Variants in OR8J3 observed in about 807,000 individuals in gnomAD.
The protein encoded by OR8J3 is olfactory receptor 8J3.
For synonymous variants in OR8J3, 170 were observed against 142.6 expected (o/e 1.19, Z -1.37); for missense variants, 418 against 379.8 (o/e 1.10, Z -0.84).
chr11:56,137,250 T>C lies in OR8J3; in HGVS notation c.469A>G (p.Ile157Val), dbSNP rs760372350. ...GAGAATATACAAGGTGAAACCACAA[T>C]AGCTGTAGAAAAGCCATAGAGGTAT... ...LTYLYGFSTA[I>V]VVSPCIFSVS... Residue 157 changes from isoleucine (I) to valine (V), a missense_variant, in exon 2 of 2, where the codon ATT becomes GTT. Transcript: ENST00000642058. The C allele has an allele frequency of 3.7e-6, 6 of 1,613,764 alleles. No individual in the cohort carries two copies. The highest frequency in any genetic ancestry group is 4.2e-6 in the Non-Finnish European group (5 of 1,179,968).
At chr11:56,138,650 C>T (rs542356716) in intron 1 of OR8J3, among the ~76,000 whole-genome samples, 153 bp from the exon 2 acceptor site, 9 of 150,850 alleles carry the variant, frequency 6.0e-5, no homozygotes, top group African/African-American at 2.2e-4. Flanking sequence ...GCCGAGATTG[C>T]GCCACTGCAC....
rs1292172524 is a variant in OR8J3, at chr11:56,135,027, T to A, written c.*1744A>T. ...AATTTAATTAAAAACCCGACATCAA[T>A]ATATATAGATCTGGTAAAATTCATT... On this transcript the variant is annotated 3_prime_UTR_variant, in exon 2 of 2. Coordinates refer to ENST00000642058, the MANE Select transcript of OR8J3 (RefSeq NM_001004064.2). 6.6e-6 allele frequency: 1 copy of A among 151,974 alleles called. No homozygotes were observed. Among genetic ancestry groups the A allele is most frequent in the Non-Finnish European group, 1.5e-5 (1 of 67,872 alleles). The allele number at this position is 151,974 out of a possible 1,614,324, so 9.4% of individuals were successfully genotyped here.
rs1459493184 is a variant in OR8J3 at position 56,137,240 on chromosome 11, G to GA, written c.478dup (p.Ser160PhefsTer13). 1 of 1,614,064 alleles carries GA rather than the reference G, an allele frequency of 6.2e-7. No homozygotes were observed. Among genetic ancestry groups the GA allele is most frequent in the South Asian group, 1.1e-5 (1 of 91,060 alleles). ...ATAAGACACAGAGAATATACAAGGT[G>GA]AAACCACAATAGCTGTAGAAAAGCC... On this transcript the variant is annotated frameshift_variant, in exon 2 of 2. Transcript: ENST00000642058. LOFTEE classifies it low-confidence loss of function (END_TRUNC).
rs775970814 is a variant in OR8J3, at chr11:56,137,461, T to C, written c.258A>G (p.Leu86=). ...VIAPKMLMNF[L]VKKKTTSFYE... ...AGAATGAGGTAGTTTTCTTCTTTAC[T>C]AAAAAGTTCATCAGCATTTTAGGGG... is the stretch of plus-strand genomic sequence containing the variant. Residue 86 remains leucine, a synonymous_variant, in exon 2 of 2, where the codon TTA becomes TTG. Coordinates refer to ENST00000642058, the MANE Select transcript of OR8J3 (RefSeq NM_001004064.2). 6.2e-7 allele frequency: 1 copy of C among 1,614,218 alleles called. No homozygotes were observed. Among genetic ancestry groups the C allele is most frequent in the Non-Finnish European group, 8.5e-7 (1 of 1,180,032 alleles).
In OR8J3 at chr11:56,138,424, T is replaced by C. The variant is rs897722724; in HGVS notation, c.-706A>G. On this transcript the variant is annotated 5_prime_UTR_variant, in exon 2 of 2. Transcript: ENST00000642058. ...GGCTCAAACCGGTAATCCCAGCACT[T>C]TGGGAGGCCGAGGCGGGCAGATCAT... 2.0e-5 allele frequency: 3 copies of C among 152,088 alleles called. No individual in the cohort carries two copies. Among genetic ancestry groups the C allele is most frequent in the Admixed American group, 6.6e-5 (1 of 15,254 alleles). The allele number at this position is 152,088 out of a possible 1,614,324, so 9.4% of individuals were successfully genotyped here. A position where few individuals can be genotyped will look rare whatever the true frequency, so the allele number is the denominator to read the frequency against.
intron 1 of OR8J3, among the ~76,000 whole-genome samples, 195 bp from the exon 2 acceptor site, chr11:56,138,692 TC>T (rs1565056585): frequency 5.8e-5 from 1 of 17,208 alleles, no homozygotes; most frequent in African/African-American, 7.9e-5. Context: ...AGACTCCGTC[TC>T]AAAAAAAAAA....
At position 56,135,810 on chromosome 11, in the gene OR8J3, G is replaced by T. The variant is rs1390946579; in HGVS notation, c.*961C>A. On this transcript the variant is annotated 3_prime_UTR_variant, in exon 2 of 2. Coordinates refer to ENST00000642058, the MANE Select transcript of OR8J3 (RefSeq NM_001004064.2). ...AGTTTCAATGCCAGAATCCCCATTG[G>T]CACTTTTAATATGAGTTTTTTGACT... 1 of 151,710 alleles carries T rather than the reference G, an allele frequency of 6.6e-6. No individual in the cohort carries two copies. Among genetic ancestry groups the T allele is most frequent in the Non-Finnish European group, 1.5e-5 (1 of 67,836 alleles). 9.4% of individuals were successfully genotyped at this position (151,710 alleles called of 1,614,324 possible). A position where few individuals can be genotyped will look rare whatever the true frequency, so the allele number is the denominator to read the frequency against.
Position 56,137,235 on chromosome 11 carries a change from A to G in OR8J3, c.484T>C (p.Cys162Arg). 2 of 1,614,168 alleles carry G rather than the reference A, an allele frequency of 1.2e-6. No individual in the cohort carries two copies. The highest frequency in any genetic ancestry group is 1.7e-6 in the Non-Finnish European group (2 of 1,180,014). Residue 162 changes from cysteine (C) to arginine (R), a missense_variant, in exon 2 of 2, where the codon TGT becomes CGT. By Grantham distance (180) the Cys-to-Arg change is radical (BLOSUM62 -3). Transcript: ENST00000642058. ...GFSTAIVVSP[C>R]IFSVSYCSSN... is the part of the protein sequence containing the mutation. The stretch of plus-strand genomic sequence containing the variant: ...GAGCAATAAGACACAGAGAATATAC[A>G]AGGTGAAACCACAATAGCTGTAGAA...
rs1452355482 is a variant in OR8J3, at chr11:56,135,485, C to T, written c.*1286G>A. ...CAAGGCAAATTAAAAGATATCCAATCACTACTTTTCCAGTTACTTGAGTCT... is the reference window on the plus strand; with the variant it reads ...CAAGGCAAATTAAAAGATATCCAATTACTACTTTTCCAGTTACTTGAGTCT... On this transcript the variant is annotated 3_prime_UTR_variant, in exon 2 of 2. Transcript: ENST00000642058. The T allele has an allele frequency of 6.6e-6, 1 of 151,952 alleles. No individual in the cohort carries two copies. The highest frequency in any genetic ancestry group is 1.5e-5 in the Non-Finnish European group (1 of 67,862). 9.4% of individuals were successfully genotyped at this position (151,952 alleles called of 1,614,324 possible).
Position 56,134,936 on chromosome 11 carries a change from G to T in OR8J3, c.*1835C>A, listed in dbSNP as rs375962889. On this transcript the variant is annotated 3_prime_UTR_variant, in exon 2 of 2. Coordinates refer to ENST00000642058, the MANE Select transcript of OR8J3 (RefSeq NM_001004064.2). Reference sequence around the variant, plus strand: ...AATAGTACTCCATTCATTTATTATCGCACTAGGTAAACCAATGATTTTTCA... The same window carrying T: ...AATAGTACTCCATTCATTTATTATCTCACTAGGTAAACCAATGATTTTTCA... 6.6e-6 allele frequency: 1 copy of T among 151,770 alleles called. No individual in the cohort carries two copies. The highest frequency in any genetic ancestry group is 1.5e-5 in the Non-Finnish European group (1 of 67,866). 9.4% of individuals were successfully genotyped at this position (151,770 alleles called of 1,614,324 possible).
In OR8J3 at chr11:56,136,399, T is replaced by G. The variant is rs1854330140; in HGVS notation, c.*372A>C. 6.5e-6 allele frequency: 1 copy of G among 153,662 alleles called. No homozygotes were observed. The highest frequency in any genetic ancestry group is 1.4e-5 in the Non-Finnish European group (1 of 69,152). 9.5% of individuals were successfully genotyped at this position (153,662 alleles called of 1,614,324 possible). The stretch of plus-strand genomic sequence containing the variant: ...GTTACAGTTTTTCAAGATGCAGGCA[T>G]CCACTCTACCAATCATACCCAGAAA... On this transcript the variant is annotated 3_prime_UTR_variant, in exon 2 of 2. Transcript: ENST00000642058.
chr11:56,137,526 G>A lies in OR8J3; in HGVS notation c.193C>T (p.His65Tyr), dbSNP rs769251247. 16 of 1,614,212 alleles carry A rather than the reference G, an allele frequency of 9.9e-6. No individual in the cohort carries two copies. Among genetic ancestry groups the A allele is most frequent in the African/African-American group, 1.3e-5 (1 of 75,044 alleles). Reference protein sequence around the residue: ...LQNPMYFFLRHLAIINLGNST... With the variant: ...LQNPMYFFLRYLAIINLGNST... ...TTGCCAAGATTGATGATAGCTAGAT[G>A]TCTCAGGAAAAAGTACATGGGGTTT... The change falls in exon 2 of 2, where the codon CAT becomes TAT. Residue 65 changes from histidine to tyrosine, a missense_variant. Coordinates refer to ENST00000642058, the MANE Select transcript of OR8J3 (RefSeq NM_001004064.2).
At chr11:56,139,163 G>A (rs1189781377) in intron 1 of OR8J3, among the ~76,000 whole-genome samples, 1 of 151,982 alleles carries the variant, frequency 6.6e-6, no homozygotes, top group African/African-American at 2.4e-5. Flanking sequence ...TGGGCACCTG[G>A]TCCAAATAAG....
In OR8J3 at chr11:56,137,244, C is replaced by A. The variant is rs759577103; in HGVS notation, c.475G>T (p.Val159Phe). Reference sequence around the variant, plus strand: ...GACACAGAGAATATACAAGGTGAAACCACAATAGCTGTAGAAAAGCCATAG... The same window carrying A: ...GACACAGAGAATATACAAGGTGAAAACACAATAGCTGTAGAAAAGCCATAG... The part of the protein sequence containing the change: ...YLYGFSTAIV[V>F]SPCIFSVSYC... Residue 159 changes from valine to phenylalanine, a missense_variant, in exon 2 of 2, where the codon GTT becomes TTT. By Grantham distance (50) the Val-to-Phe change is conservative. Coordinates refer to ENST00000642058, the MANE Select transcript of OR8J3 (RefSeq NM_001004064.2). 6.2e-7 allele frequency: 1 copy of A among 1,613,716 alleles called. No individual in the cohort carries two copies. The highest frequency in any genetic ancestry group is 1.3e-5 in the African/African-American group (1 of 74,800).
Position 56,135,950 on chromosome 11 carries a change from T to C in OR8J3, c.*821A>G, listed in dbSNP as rs1193973367. The stretch of plus-strand genomic sequence containing the variant: ...GTGTACACTTACTGATCAAAAACTA[T>C]CAGAAAAAAAGAACAAAAATTCAAA... On this transcript the variant is annotated 3_prime_UTR_variant, in exon 2 of 2. Transcript: ENST00000642058. 6.6e-6 allele frequency: 1 copy of C among 151,740 alleles called. No homozygotes were observed. Among genetic ancestry groups the C allele is most frequent in the Non-Finnish European group, 1.5e-5 (1 of 67,850 alleles). The allele number at this position is 151,740 out of a possible 1,614,324, so 9.4% of individuals were successfully genotyped here.
intron 1 of OR8J3, among the ~76,000 whole-genome samples, chr11:56,139,056 G>A (rs1565056745): frequency 1.3e-5 from 2 of 152,028 alleles, no homozygotes; most frequent in Admixed American, 6.6e-5. Flanking sequence ...TAGTATGGAT[G>A]AACACTTTCC....
intron 1 of OR8J3, among the ~76,000 whole-genome samples, chr11:56,139,064 T>C (rs1854364358): frequency 6.6e-6 from 1 of 152,172 alleles, no homozygotes; most frequent in Non-Finnish European, 1.5e-5. Context: ...ATGAACACTT[T>C]CCTAGAGTTG....
In OR8J3 at chr11:56,137,033, C is replaced by CAATATTGAATT. The variant is rs1854338142; in HGVS notation, c.685_686insAATTCAATATT (p.Arg229GlnfsTer21). 6.2e-7 allele frequency: 1 copy of CAATATTGAATT among 1,613,620 alleles called. No homozygotes were observed. Among genetic ancestry groups the CAATATTGAATT allele is most frequent in the Admixed American group, 1.7e-5 (1 of 59,934 alleles). Reference sequence around the variant, plus strand: ...GGCTTTTTTCCTTCCTTCTGGTGAACGTATCCTTAGAATGGACAAAACAAT... The same window carrying CAATATTGAATT: ...GGCTTTTTTCCTTCCTTCTGGTGAACAATATTGAATTGTATCCTTAGAATGGACAAAACAAT... On this transcript the variant is annotated frameshift_variant, in exon 2 of 2. Transcript: ENST00000642058. LOFTEE classifies it low-confidence loss of function (END_TRUNC).
At chr11:56,138,782 T>G (rs972781656) in intron 1 of OR8J3, among the ~76,000 whole-genome samples, 1 of 152,122 alleles carries the variant, frequency 6.6e-6, no homozygotes, top group Non-Finnish European at 1.5e-5. Context: ...ATTTCTTCCC[T>G]CTCATGACTA....
Sources: gnomAD v4.1 joint callset for allele counts (sites outside exome capture counted in the v4.1 genomes callset) on GRCh38, gnomAD v4.1.1 for gene constraint, MANE v1.5 for transcripts, NCBI Gene and HGNC (gene_info 2026-07-23, HGNC 2026-07-21) for gene names.